The following IGF2BP2 variants were observed in gnomAD, a reference collection of about 807,000 sequenced individuals.
IGF2BP2 encodes insulin-like growth factor 2 mRNA-binding protein 2.
A neutral mutation model predicts 75.8 loss-of-function variants in IGF2BP2; 17 were observed. The ratio of observed to expected loss-of-function variants is 0.22; its 90% CI spans 0.15 to 0.34. The LOEUF is 0.34. Among genes scored for constraint, IGF2BP2 ranks in the 10% least tolerant of loss-of-function variants. IGF2BP2 has a pLI of 1.00. For synonymous variants in IGF2BP2, 288 were observed against 295.6 expected (o/e 0.97, Z 0.26); for missense variants, 516 against 772.4 (o/e 0.67, Z 3.93).
intron 2 of IGF2BP2, among the ~76,000 whole-genome samples, chr3:185,736,606 C>T (rs1457816427): frequency 1.3e-5 from 2 of 152,188 alleles, no homozygotes; most frequent in African/African-American, 4.8e-5. Context: ...CCCAATGTGG[C>T]CGTGAATTAA....
At chr3:185,802,337 G>T (rs536266119) in intron 2 of IGF2BP2, among the ~76,000 whole-genome samples, 1 of 70,770 alleles carries the variant, frequency 1.4e-5, no homozygotes, top group East Asian at 3.1e-4. Context: ...ACTAATTACG[G>T]TAATACCTAA....
intron 2 of IGF2BP2, among the ~76,000 whole-genome samples, chr3:185,765,241 C>T (rs1404838120): frequency 6.6e-6 from 1 of 152,158 alleles, no homozygotes; most frequent in African/African-American, 2.4e-5. Context: ...CTCCGTCCCT[C>T]CCATCCAGCT....
intron 2 of IGF2BP2, among the ~76,000 whole-genome samples, chr3:185,761,368 A>G (rs1732342328): frequency 6.6e-6 from 1 of 152,188 alleles, no homozygotes; most frequent in African/African-American, 2.4e-5. Context: ...CAAAAGGAAG[A>G]AAACAGACAT....
intron 2 of IGF2BP2, among the ~76,000 whole-genome samples, chr3:185,750,573 G>A (rs1257007171): frequency 3.3e-5 from 5 of 152,030 alleles, no homozygotes; most frequent in African/African-American, 1.2e-4. Context: ...AGTTCTCTAC[G>A]TAGATCACTT....
intron 7 of IGF2BP2, among the ~76,000 whole-genome samples, chr3:185,680,469 CCT>C (rs1387279671): frequency 3.9e-5 from 6 of 152,142 alleles, no homozygotes; most frequent in Admixed American, 2.0e-4. Flanking sequence ...CCAGCTTTAC[CCT>C]GATTCCAAAG....
chr3:185,672,578 C>T lies in IGF2BP2; in HGVS notation c.1163G>A (p.Arg388His), dbSNP rs138930530. Residue 388 changes from arginine (R) to histidine (H), a missense_variant, in exon 10 of 16, where the codon CGC becomes CAC. Coordinates refer to ENST00000382199, the MANE Select transcript of IGF2BP2 (RefSeq NM_006548.6). ...GTAGGGGGCAGCGGGGGGAGCTCCG[C>T]GGGGCCCTGCTGGTGGAGATAGCAC... is the stretch of plus-strand genomic sequence containing the variant. ...LSVLSPPAGPRGAPPAAPYHP... is the reference protein window; with the variant it reads ...LSVLSPPAGPHGAPPAAPYHP... 1.5e-4 allele frequency: 240 copies of T among 1,612,800 alleles called. 2 individuals carry two copies. In the South Asian group the frequency reaches 1.8e-3, roughly 12 times the overall value.
At chr3:185,758,064 T>A (rs967986840) in intron 2 of IGF2BP2, among the ~76,000 whole-genome samples, 1 of 152,230 alleles carries the variant, frequency 6.6e-6, no homozygotes, top group Non-Finnish European at 1.5e-5. Flanking sequence ...CAGTTTGCCT[T>A]AGGCACTGAG....
In IGF2BP2 at chr3:185,785,258, G is replaced by A. The variant is rs142160549; in HGVS notation, c.239+37895C>T. ...GGAGACTGTAGTGAGCCGAGATCAC[G>A]CCACTGCACTCCAGCCTGGGCAACA... On this transcript the variant is annotated intron_variant, in intron 2 of 15. Coordinates refer to ENST00000382199, the MANE Select transcript of IGF2BP2 (RefSeq NM_006548.6). Among the ~76,000 whole-genome samples the A allele has an allele frequency of 1.0e-4, 15 of 145,204 alleles. No homozygotes were observed. In the East Asian group the frequency reaches 2.8e-3, roughly 27 times the overall value.
At chr3:185,801,252 G>C (rs553461703) in intron 2 of IGF2BP2, among the ~76,000 whole-genome samples, 2 of 152,264 alleles carry the variant, frequency 1.3e-5, no homozygotes, top group East Asian at 3.9e-4. Flanking sequence ...CACTTTGGGA[G>C]GCCGAGGCAG....
intron 7 of IGF2BP2, among the ~76,000 whole-genome samples, chr3:185,682,591 G>T (rs765633641): frequency 1.3e-5 from 2 of 152,056 alleles, no homozygotes; most frequent in African/African-American, 4.8e-5. Context: ...CATAACGAAA[G>T]AATCAAATAT....
Position 185,804,784 on chromosome 3 carries a change from T to C in IGF2BP2, c.239+18369A>G, listed in dbSNP as rs563877771. Among the ~76,000 whole-genome samples the C allele has an allele frequency of 5.8e-3, 887 of 151,892 alleles. 9 individuals are homozygous for C. The highest frequency in any genetic ancestry group is 0.02 in the African/African-American group (841 of 41,426). On this transcript the variant is annotated intron_variant, in intron 2 of 15. Coordinates refer to ENST00000382199, the MANE Select transcript of IGF2BP2 (RefSeq NM_006548.6). Reference sequence around the variant, plus strand: ...GTGGGCGGATCATGAGGTCAGGACATCGAGACCATCCTGGCTAACACAGTG... The same window carrying C: ...GTGGGCGGATCATGAGGTCAGGACACCGAGACCATCCTGGCTAACACAGTG...
At chr3:185,782,406 A>C (rs767563044) in intron 2 of IGF2BP2, among the ~76,000 whole-genome samples, 1 of 152,106 alleles carries the variant, frequency 6.6e-6, no homozygotes, top group Admixed American at 6.6e-5. Flanking sequence ...CTAGACTAGA[A>C]GCATCATGTG....
At chr3:185,743,099 A>T (rs182996813) in intron 2 of IGF2BP2, among the ~76,000 whole-genome samples, 1 of 152,228 alleles carries the variant, frequency 6.6e-6, no homozygotes, top group African/African-American at 2.4e-5. Context: ...ACTCCGTCTT[A>T]ATAAATAAAC....
intron 2 of IGF2BP2, among the ~76,000 whole-genome samples, chr3:185,725,632 T>C (rs910450583): frequency 1.3e-5 from 2 of 152,138 alleles, no homozygotes; most frequent in African/African-American, 4.8e-5. Flanking sequence ...ACATGGAATT[T>C]GCATGATGTC....
intron 2 of IGF2BP2, among the ~76,000 whole-genome samples, chr3:185,815,719 C>G (rs1265801988): frequency 6.6e-6 from 1 of 152,136 alleles, no homozygotes; most frequent in Non-Finnish European, 1.5e-5. Context: ...TTGGAAATAA[C>G]CTTCTTTCAC....
intron 2 of IGF2BP2, among the ~76,000 whole-genome samples, chr3:185,702,413 T>C (rs1723433096): frequency 6.6e-6 from 1 of 152,118 alleles, no homozygotes; most frequent in Admixed American, 6.5e-5. Flanking sequence ...TCTTTCTCCC[T>C]GAAACTGTGC....
At chr3:185,702,329 GGAGGTGTTCGTTTCCCTCCT>G (rs1723416614) in intron 2 of IGF2BP2, among the ~76,000 whole-genome samples, 1 of 152,068 alleles carries the variant, frequency 6.6e-6, no homozygotes, top group African/African-American at 2.4e-5. Flanking sequence ...GGAGAGGGAA[GGAGGTGTTCGTTTCCCTCCT>G]TCCTTTAGAC....
intron 2 of IGF2BP2, among the ~76,000 whole-genome samples, chr3:185,768,468 G>A (rs1378435491): frequency 6.6e-6 from 1 of 152,108 alleles, no homozygotes; most frequent in Non-Finnish European, 1.5e-5. Flanking sequence ...ATAAAGAACT[G>A]CATGTTAACC....
intron 2 of IGF2BP2, among the ~76,000 whole-genome samples, chr3:185,797,763 A>G (rs1483169379): frequency 6.6e-6 from 1 of 151,338 alleles, no homozygotes; most frequent in Non-Finnish European, 1.5e-5. Flanking sequence ...AAATTAGCCA[A>G]GCGTGGAGGT....
Sources: allele counts gnomAD v4.1 joint callset (sites outside exome capture counted in the v4.1 genomes callset), GRCh38; gene constraint gnomAD v4.1.1; transcripts MANE v1.5; gene names NCBI Gene and HGNC (gene_info 2026-07-23, HGNC 2026-07-21).